SLC4A4: variants seen among roughly 807,000 people sequenced by gnomAD.
SLC4A4 encodes the protein electrogenic sodium bicarbonate cotransporter 1.
SLC4A4 carries 27 observed loss-of-function variants against 111.5 expected under a neutral mutation model. The ratio of observed to expected loss-of-function variants is 0.24; its 90% CI spans 0.18 to 0.33. The LOEUF (loss-of-function observed/expected upper bound fraction) is 0.33, where lower values mean the gene tolerates loss of function less well. Ranked by LOEUF, SLC4A4 falls within the 10% of genes least tolerant of loss-of-function variation. SLC4A4 has a pLI of 1.00. For missense variants in SLC4A4, 909 were observed against 1,315.5 expected (o/e 0.69, Z 4.78); for synonymous variants, 443 against 463.4 (o/e 0.96, Z 0.57).
At chr4:71,335,559 C>G (rs1313887876) in intron 3 of SLC4A4, among the ~76,000 whole-genome samples, 1 of 152,180 alleles carries the variant, frequency 6.6e-6, no homozygotes, top group African/African-American at 2.4e-5. Flanking sequence ...GGTGCAGTGG[C>G]TCATGCCTGT....
intron 16 of SLC4A4, among the ~76,000 whole-genome samples, chr4:71,510,922 A>G (rs902031503): frequency 6.6e-6 from 1 of 152,102 alleles, no homozygotes; most frequent in Admixed American, 6.5e-5. Context: ...CTTACATAAA[A>G]CATCTTACAA....
intron 3 of SLC4A4, among the ~76,000 whole-genome samples, chr4:71,308,479 C>A (rs960353115): frequency 2.0e-5 from 3 of 152,090 alleles, no homozygotes; most frequent in African/African-American, 7.2e-5. Flanking sequence ...CCCAGCGAGA[C>A]CAATGCAGAA....
At chr4:71,510,711 T>A (rs1167025028) in intron 16 of SLC4A4, among the ~76,000 whole-genome samples, 1 of 152,194 alleles carries the variant, frequency 6.6e-6, no homozygotes, top group Non-Finnish European at 1.5e-5. Context: ...CCATTTACAT[T>A]CAAGGTAACT....
At chr4:71,522,230 A>T (rs1217345253) in intron 16 of SLC4A4, among the ~76,000 whole-genome samples, 1 of 152,140 alleles carries the variant, frequency 6.6e-6, no homozygotes, top group African/African-American at 2.4e-5. Flanking sequence ...CTTTAGTCAG[A>T]GTCTTTAGTC....
intron 12 of SLC4A4, among the ~76,000 whole-genome samples, chr4:71,454,825 C>G (rs1726077587): frequency 6.6e-6 from 1 of 152,076 alleles, no homozygotes; most frequent in Admixed American, 6.6e-5. Flanking sequence ...TCTTTCATGG[C>G]TGGATGGTGG....
At chr4:71,315,989 A>G (rs1239500526) in intron 3 of SLC4A4, among the ~76,000 whole-genome samples, 1 of 152,166 alleles carries the variant, frequency 6.6e-6, no homozygotes, top group African/African-American at 2.4e-5. Flanking sequence ...CTGCAAAGAA[A>G]GATGCATTTC....
intron 2 of SLC4A4, among the ~76,000 whole-genome samples, chr4:71,128,910 C>T (rs559522555): frequency 6.6e-6 from 1 of 152,234 alleles, no homozygotes; most frequent in East Asian, 1.9e-4. Context: ...AAATCCTACC[C>T]TAACTTTCAA....
At chr4:71,161,976 A>G (rs904523006) in intron 2 of SLC4A4, among the ~76,000 whole-genome samples, 1 of 152,178 alleles carries the variant, frequency 6.6e-6, no homozygotes, top group African/African-American at 2.4e-5. Flanking sequence ...ATAGAATTAC[A>G]GTGAGTTTTG....
At chr4:71,075,515 G>A (rs547729658) in intron 1 of SLC4A4, among the ~76,000 whole-genome samples, 15 of 152,112 alleles carry the variant, frequency 9.9e-5, no homozygotes, top group African/African-American at 3.6e-4. Flanking sequence ...AGCCACACTG[G>A]CTTCTGCTGT....
intron 6 of SLC4A4, among the ~76,000 whole-genome samples, chr4:71,382,812 T>C (rs1269764184): frequency 1.3e-5 from 2 of 152,200 alleles, no homozygotes; most frequent in Non-Finnish European, 1.5e-5. Context: ...TCTAAACTCA[T>C]TGTTCCACTG....
At chr4:71,223,403 T>A in intron 1 of SLC4A4, among the ~76,000 whole-genome samples, 1 of 152,060 alleles carries the variant, frequency 6.6e-6, no homozygotes, top group Non-Finnish European at 1.5e-5. Flanking sequence ...GACCTCGTGA[T>A]CTGCCTGCCT....
intron 3 of SLC4A4, chr4:71,339,120 C>A (rs1284130641): frequency 4.4e-6 from 7 of 1,607,432 alleles, no homozygotes; most frequent in Non-Finnish European, 1.7e-6. Flanking sequence ...ACACATCACA[C>A]AGAATTGGAG....
At chr4:71,301,392 C>G (rs889283730) in intron 3 of SLC4A4, among the ~76,000 whole-genome samples, 3 of 152,062 alleles carry the variant, frequency 2.0e-5, no homozygotes, top group Admixed American at 6.6e-5. Flanking sequence ...CTTGAAGCCA[C>G]AGTCTTGGGG....
rs200730257 is a variant in SLC4A4, at chr4:71,527,120, G to T, written c.2167-4942G>T. ...AATTAGGACGTGGGCATCTTTAGGG[G>T]TATATTATACTTTAATCTGCTTACC... is the stretch of plus-strand genomic sequence containing the variant. On this transcript the variant is annotated intron_variant, in intron 16 of 25. Coordinates refer to ENST00000264485, the MANE Select transcript of SLC4A4 (RefSeq NM_001098484.3). Among the ~76,000 whole-genome samples, 3 of 151,994 alleles carry T rather than the reference G, an allele frequency of 2.0e-5. No individual in the cohort carries two copies. The South Asian group carries it at 6.2e-4, about 31-fold the overall frequency.
intron 12 of SLC4A4, among the ~76,000 whole-genome samples, chr4:71,458,979 A>G (rs1266369750): frequency 6.6e-6 from 1 of 152,020 alleles, no homozygotes; most frequent in African/African-American, 2.4e-5. Context: ...CAATTTTGGT[A>G]GGTAAAAATA....
intron 3 of SLC4A4, among the ~76,000 whole-genome samples, chr4:71,302,631 A>G (rs1725364598): frequency 6.6e-6 from 1 of 152,168 alleles, no homozygotes. Context: ...GTGTGCTGTG[A>G]TTCTGGAAGA....
At position 71,538,507 on chromosome 4, in the gene SLC4A4, C is replaced by A. The variant is rs150463754; in HGVS notation, c.2442+4119C>A. ...CATCATTAATCAAAGGCTTTTCACT[C>A]TGAAAATTGTTTTGTTCATATTTTG... On this transcript the variant is annotated intron_variant, in intron 18 of 25. Transcript: ENST00000264485. 2.6e-5 allele frequency among the ~76,000 whole-genome samples: 4 copies of A among 152,160 alleles called. No individual in the cohort carries two copies. In the East Asian group the frequency reaches 5.8e-4, roughly 22 times the overall value.
At chr4:71,155,656 G>T (rs1191652373) in intron 2 of SLC4A4, among the ~76,000 whole-genome samples, 1 of 151,986 alleles carries the variant, frequency 6.6e-6, no homozygotes, top group Non-Finnish European at 1.5e-5. Context: ...TAGAGATGGG[G>T]TTTCACTCTG....
chr4:71,450,389 G>A lies in SLC4A4; in HGVS notation c.1054G>A (p.Val352Met). 6.2e-7 allele frequency: 1 copy of A among 1,604,518 alleles called. No homozygotes were observed. Among genetic ancestry groups the A allele is most frequent in the African/African-American group, 1.3e-5 (1 of 74,752 alleles). Reference sequence around the variant, plus strand: ...GAGCACATCTTTTATTATTCTTTAGGTGTTCCATGACATTGCTTATAAAGC... The same window carrying A: ...GAGCACATCTTTTATTATTCTTTAGATGTTCCATGACATTGCTTATAAAGC... ...RAIATLMSDE[V>M]FHDIAYKAKD... Residue 352 changes from valine to methionine, a missense_variant and splice_region_variant, in exon 10 of 26, where the codon GTG (valine) becomes ATG (methionine). Val to Met is a conservative substitution (Grantham distance 21). Around this residue, in one of 7 missense-constraint regions of SLC4A4, gnomAD observed 312 missense variants for 402.0 expected, o/e 0.78. Transcript: ENST00000264485.
Sources: gnomAD v4.1 joint callset for allele counts (sites outside exome capture counted in the v4.1 genomes callset) on GRCh38, gnomAD v4.1.1 for gene constraint, gnomAD v4.1.1 regional missense constraint, MANE v1.5 for transcripts, NCBI Gene and HGNC (gene_info 2026-07-23, HGNC 2026-07-21) for gene names.